PDZK1IP1: variants seen among roughly 807,000 people sequenced by gnomAD.
PDZK1IP1 encodes the protein PDZK1 interacting protein 1, also known as PDZK1-interacting protein 1.
In PDZK1IP1, 9 loss-of-function variants were observed where a neutral mutation model predicts 14.7. The ratio of observed to expected loss-of-function variants is 0.61; its 90% CI spans 0.37 to 1.07. The LOEUF (loss-of-function observed/expected upper bound fraction) is 1.07. PDZK1IP1 is among the 50% of genes least tolerant of loss of function. PDZK1IP1 has a pLI of 0.01. For missense variants in PDZK1IP1, 152 were observed against 148.7 expected (o/e 1.02, Z -0.11); for synonymous variants, 70 against 61.2 (o/e 1.14, Z -0.67).
intron 1 of PDZK1IP1, 73 bp downstream of exon 1, chr1:47,189,793 C>T: frequency 1.7e-6 from 2 of 1,182,880 alleles, no homozygotes; most frequent in Non-Finnish European, 2.3e-6. Flanking sequence ...TATCAAGGCC[C>T]TGGGGAGGGG....
At chr1:47,189,589 C>G (rs886213387) in intron 1 of PDZK1IP1, among the ~76,000 whole-genome samples, 2 of 152,142 alleles carry the variant, frequency 1.3e-5, no homozygotes, top group Non-Finnish European at 2.9e-5. Context: ...TACTCAGGAC[C>G]CAGCCATCCC....
At chr1:47,186,994 T>A (rs1052462339) in intron 2 of PDZK1IP1, among the ~76,000 whole-genome samples, 6 of 152,078 alleles carry the variant, frequency 3.9e-5, no homozygotes, top group Non-Finnish European at 7.4e-5. Context: ...ACAGCCCCCA[T>A]CACAGGCTGG....
rs947542265 is a variant in PDZK1IP1, at chr1:47,184,929, C to G, written c.272+73G>C. ...CTCCGTCCTCCCCAGCCACCTCCCC[C>G]CAGCAGCACCTGTCTTGAGATTCTC... On this transcript the variant is annotated intron_variant, in intron 3 of 3. Transcript: ENST00000294338. The G allele has an allele frequency of 2.4e-5, 30 of 1,247,438 alleles. No individual in the cohort carries two copies. The African/African-American group carries it at 2.7e-4, about 11-fold the overall frequency. 77.3% of individuals were successfully genotyped at this position (1,247,438 alleles called of 1,614,324 possible). A position where few individuals can be genotyped will look rare whatever the true frequency, so the allele number is the denominator to read the frequency against.
intron 3 of PDZK1IP1, 115 bp from the exon 4 acceptor site, chr1:47,184,158 C>G: frequency 1.2e-6 from 1 of 818,860 alleles, no homozygotes; most frequent in Non-Finnish European, 2.0e-6. Flanking sequence ...CACTTGACTC[C>G]CAGAAGGGGA....
At position 47,184,908 on chromosome 1, in the gene PDZK1IP1, G is replaced by A. The variant is rs1303044543; in HGVS notation, c.272+94C>T. 29 of 999,218 alleles carry A rather than the reference G, an allele frequency of 2.9e-5. No homozygotes were observed. The East Asian group carries it at 3.4e-4, about 12-fold the overall frequency. 61.9% of individuals were successfully genotyped at this position (999,218 alleles called of 1,614,324 possible). ...CTAGCTTTTGCCCACATGAGTCTCC[G>A]TCCTCCCCAGCCACCTCCCCCCAGC... On this transcript the variant is annotated intron_variant, in intron 3 of 3. Transcript: ENST00000294338.
At chr1:47,184,956 T>C (rs1411315794) in intron 3 of PDZK1IP1, 46 bp downstream of exon 3, 1 of 1,465,726 alleles carries the variant, frequency 6.8e-7, no homozygotes, top group East Asian at 2.3e-5. Flanking sequence ...GAGATTCTCC[T>C]TAGGCCCTGG....
At chr1:47,188,611 A>G (rs1465826411) in intron 1 of PDZK1IP1, among the ~76,000 whole-genome samples, 1 of 152,212 alleles carries the variant, frequency 6.6e-6, no homozygotes, top group Non-Finnish European at 1.5e-5. Context: ...ACTCCTGCTC[A>G]AATGTCCTCC....
chr1:47,187,212 GGGAGGA>G (rs1473906483), intron 2 of PDZK1IP1, 101 bp downstream of exon 2: 1 of 690,110 alleles, frequency 1.4e-6, no homozygotes, highest in African/African-American at 1.9e-5. Flanking sequence ...GAGCCTCAGG[GGGAGGA>G]TTGGACACAG....
rs754875617 is a variant in PDZK1IP1, at chr1:47,184,033, G to A, written c.283C>T (p.His95Tyr). 7 of 1,590,990 alleles carry A rather than the reference G, an allele frequency of 4.4e-6. No individual in the cohort carries two copies. In the East Asian group the frequency reaches 1.4e-4, roughly 31 times the overall value. The part of the protein sequence containing the change: ...SMAASFRSSE[H>Y]ENAYENVPEE... Reference sequence around the variant, plus strand: ...GGCACATTCTCATAGGCATTCTCATGCTCACTGGACCTGAAAGAAGAAGGC... The same window carrying A: ...GGCACATTCTCATAGGCATTCTCATACTCACTGGACCTGAAAGAAGAAGGC... The change falls in exon 4 of 4, where the codon CAT (histidine) becomes TAT (tyrosine). Residue 95 changes from histidine (H) to tyrosine (Y), a missense_variant. Physicochemically the swap from His to Tyr is moderately conservative, Grantham distance 83 (BLOSUM62 2). Coordinates refer to ENST00000294338, the MANE Select transcript of PDZK1IP1 (RefSeq NM_005764.4).
At chr1:47,185,194 G>C in intron 2 of PDZK1IP1, 97 bp from the exon 3 acceptor site, 3 of 897,420 alleles carry the variant, frequency 3.3e-6, no homozygotes, top group South Asian at 1.4e-5. Flanking sequence ...CCGAAGGCTA[G>C]CAACTGCCCT....
Position 47,183,963 on chromosome 1 carries a change from A to G in PDZK1IP1, c.*8T>C, listed in dbSNP as rs1164530777. The G allele has an allele frequency of 1.3e-6, 2 of 1,590,724 alleles. No individual in the cohort carries two copies. Among genetic ancestry groups the G allele is most frequent in the African/African-American group, 2.7e-5 (2 of 74,588 alleles). ...CTGGGAGTCTTGGGGTTGGAGCCAC[A>G]GAGAAGGTTACATCGGGGTGCTGCG... On this transcript the variant is annotated 3_prime_UTR_variant, in exon 4 of 4. Coordinates refer to ENST00000294338, the MANE Select transcript of PDZK1IP1 (RefSeq NM_005764.4).
At chr1:47,184,163 AG>A in intron 3 of PDZK1IP1, 120 bp from the exon 4 acceptor site, 1 of 798,858 alleles carries the variant, frequency 1.3e-6, no homozygotes, top group Non-Finnish European at 2.1e-6. Context: ...GACTCCCAGA[AG>A]GGGATTGTCC....
chr1:47,188,825 T>C lies in PDZK1IP1; in HGVS notation c.67+1041A>G, dbSNP rs1645335547. Among the ~76,000 whole-genome samples the C allele has an allele frequency of 2.6e-5, 4 of 152,170 alleles. No individual in the cohort carries two copies. In the South Asian group the frequency reaches 8.3e-4, roughly 32 times the overall value. ...GCCAAAAAGCAGTATTTGGGAGTCA[T>C]TGTTTCCCTAGGGGTTCAGACTGCT... is the stretch of plus-strand genomic sequence containing the variant. On this transcript the variant is annotated intron_variant, in intron 1 of 3. Transcript: ENST00000294338.
chr1:47,186,373 G>A (rs968157245), intron 2 of PDZK1IP1, among the ~76,000 whole-genome samples: 8 of 151,542 alleles, frequency 5.3e-5, no homozygotes, highest in Admixed American at 2.6e-4. Context: ...AAAGTCCAAA[G>A]CTCAGGTCAT....
At chr1:47,186,649 T>C (rs1337111685) in intron 2 of PDZK1IP1, among the ~76,000 whole-genome samples, 4 of 152,244 alleles carry the variant, frequency 2.6e-5, no homozygotes, top group Non-Finnish European at 5.9e-5. Flanking sequence ...TGTGTGTCTG[T>C]CCCCAGCAGC....
At chr1:47,186,690 G>A (rs1239873839) in intron 2 of PDZK1IP1, among the ~76,000 whole-genome samples, 1 of 152,146 alleles carries the variant, frequency 6.6e-6, no homozygotes, top group Non-Finnish European at 1.5e-5. Context: ...TCAGGACCTG[G>A]GTGTACCCTT....
At chr1:47,184,091 T>C (rs974432086) in intron 3 of PDZK1IP1, 48 bp from the exon 4 acceptor site, 2 of 1,383,292 alleles carry the variant, frequency 1.4e-6, no homozygotes, top group African/African-American at 1.4e-5. Context: ...CCTCCCATTC[T>C]ATCCCCTTCT....
At chr1:47,188,787 C>A (rs1423256134) in intron 1 of PDZK1IP1, among the ~76,000 whole-genome samples, 4 of 152,214 alleles carry the variant, frequency 2.6e-5, no homozygotes, top group Non-Finnish European at 5.9e-5. Flanking sequence ...TGATTACCCT[C>A]AGTTCCACAC....
At position 47,189,847 on chromosome 1, in the gene PDZK1IP1, C is replaced by G. The variant is rs72896510; in HGVS notation, c.67+19G>C. On this transcript the variant is annotated intron_variant, in intron 1 of 3. Transcript: ENST00000294338. ...CCACCCCTGGGTCTCCCGTGCCCAG[C>G]CCTCTCCTCCTGAGCTACCTTGCTG... The G allele has an allele frequency of 1.3e-6, 2 of 1,578,578 alleles. No homozygotes were observed. The highest frequency in any genetic ancestry group is 1.7e-6 in the Non-Finnish European group (2 of 1,169,572).
Sources: gnomAD v4.1 joint callset for allele counts (sites outside exome capture counted in the v4.1 genomes callset) on GRCh38, gnomAD v4.1.1 for gene constraint, MANE v1.5 for transcripts, NCBI Gene and HGNC (gene_info 2026-07-23, HGNC 2026-07-21) for gene names.